The following SORBS2 variants were observed in gnomAD, a reference collection of about 807,000 sequenced individuals.
The protein encoded by SORBS2 is sorbin and SH3 domain-containing protein 2.
A neutral mutation model predicts 97.7 loss-of-function variants in SORBS2; 46 were observed. The ratio of observed to expected loss-of-function variants is 0.47; its 90% CI spans 0.37 to 0.60. The LOEUF is 0.60. Among genes scored for constraint, SORBS2 ranks in the 20% least tolerant of loss-of-function variants. The pLI is 0.00. For synonymous variants in SORBS2, 476 were observed against 473.4 expected, an observed-to-expected ratio of 1.01 and a Z score of -0.07; for missense variants, 1,316 against 1,282.3, an observed-to-expected ratio of 1.03 and a Z score of -0.40.
chr4:185,908,846 A>G (rs1389036714), intron 1 of SORBS2, among the ~76,000 whole-genome samples: 6 of 151,992 alleles, frequency 3.9e-5, no homozygotes, highest in Admixed American at 6.6e-5. Flanking sequence ...CTAAAATATA[A>G]CCCTTGCATA....
chr4:185,689,812 A>G (rs1186954217), intron 2 of SORBS2, among the ~76,000 whole-genome samples: 2 of 152,238 alleles, frequency 1.3e-5, no homozygotes, highest in Admixed American at 1.3e-4. Flanking sequence ...GGCTCAAACA[A>G]CTTTCCAGTG....
At chr4:185,645,521 A>G (rs1026002399) in intron 4 of SORBS2, 1 of 152,200 alleles carries the variant, frequency 6.6e-6, no homozygotes, top group African/African-American at 2.4e-5. Context: ...AAGGTTTTGA[A>G]CATGCTTCTC....
chr4:185,838,344 G>C (rs1330451925), intron 1 of SORBS2, among the ~76,000 whole-genome samples: 1 of 152,232 alleles, frequency 6.6e-6, no homozygotes, highest in Non-Finnish European at 1.5e-5. Flanking sequence ...TAGCTCCCCT[G>C]GGGGCTTGGG....
intron 2 of SORBS2, among the ~76,000 whole-genome samples, chr4:185,753,843 C>T (rs368429441): frequency 1.3e-5 from 2 of 152,162 alleles, no homozygotes; most frequent in African/African-American, 4.8e-5. Context: ...TGCTTATACA[C>T]TGCTGGTGGA....
chr4:185,736,787 C>T (rs2098690499), intron 2 of SORBS2, among the ~76,000 whole-genome samples: 2 of 152,166 alleles, frequency 1.3e-5, no homozygotes, highest in African/African-American at 4.8e-5. Context: ...AGGGGAAAGA[C>T]ATCATCCACA....
At chr4:185,820,731 C>T (rs1478746251) in intron 1 of SORBS2, among the ~76,000 whole-genome samples, 2 of 152,228 alleles carry the variant, frequency 1.3e-5, no homozygotes, top group African/African-American at 4.8e-5. Flanking sequence ...TCCTGGCAGT[C>T]CCGGGACTTC....
rs1491475757 is a variant in SORBS2 at position 185,879,176 on chromosome 4, C to CCTCA, written c.-338+77019_-338+77020insTGAG. Among the ~76,000 whole-genome samples, 55 of 85,270 alleles carry CCTCA rather than the reference C, an allele frequency of 6.5e-4. 4 individuals carry two copies. In the Middle Eastern group the frequency reaches 0.019, roughly 29 times the overall value. 55.9% of individuals were successfully genotyped at this position (85,270 alleles called of 152,430 possible). A position where few individuals can be genotyped will look rare whatever the true frequency, so the allele number is the denominator to read the frequency against. On this transcript the variant is annotated intron_variant, in intron 1 of 20. Transcript: ENST00000284776. ...CCTAATGCTATCCCTCCCCCCCCCC[C>CCTCA]ACCCCACGACAGGCCCCGGTGTGTG...
intron 4 of SORBS2, among the ~76,000 whole-genome samples, chr4:185,665,310 A>G (rs1423594898): frequency 3.3e-5 from 5 of 152,236 alleles, no homozygotes; most frequent in Non-Finnish European, 7.3e-5. Flanking sequence ...GAGAAAAAGG[A>G]TATAGAAAAG....
At chr4:185,670,683 T>G (rs2097699631) in intron 4 of SORBS2, among the ~76,000 whole-genome samples, 1 of 151,674 alleles carries the variant, frequency 6.6e-6, no homozygotes, top group Non-Finnish European at 1.5e-5. Flanking sequence ...TGTGCCCGGC[T>G]GGAAGGGGTT....
chr4:185,704,006 ATTTGTACTTC>A (rs1283879152), intron 2 of SORBS2, among the ~76,000 whole-genome samples: 6 of 152,228 alleles, frequency 3.9e-5, no homozygotes, highest in Non-Finnish European at 8.8e-5. Context: ...CATAAGAATG[ATTTGTACTTC>A]TAACATCAAT....
chr4:185,709,285 G>A (rs147519955), intron 2 of SORBS2, among the ~76,000 whole-genome samples: 8,625 of 108,444 alleles, frequency 0.08, 428 homozygotes, highest in African/African-American at 0.17. Context: ...ATAGGCATGA[G>A]CCGCTGTGCT....
chr4:185,595,256 A>G (rs185755963), intron 12 of SORBS2, among the ~76,000 whole-genome samples: 82 of 152,322 alleles, frequency 5.4e-4, no homozygotes, highest in Admixed American at 2.0e-3. Flanking sequence ...CAGTCTGTGG[A>G]TAGAATATTT....
chr4:185,591,325 T>A (rs911705210), intron 13 of SORBS2, among the ~76,000 whole-genome samples: 1 of 152,172 alleles, frequency 6.6e-6, no homozygotes, highest in South Asian at 2.1e-4. Flanking sequence ...GCCACTTATA[T>A]CCTTTTGAGC....
chr4:185,752,464 T>C (rs866707975), intron 2 of SORBS2, among the ~76,000 whole-genome samples: 3 of 152,082 alleles, frequency 2.0e-5, no homozygotes, highest in African/African-American at 7.2e-5. Flanking sequence ...TTTTAGTAGA[T>C]ATGGGGTTTC....
chr4:185,858,121 T>C (rs1238230247), intron 1 of SORBS2, among the ~76,000 whole-genome samples: 3 of 152,224 alleles, frequency 2.0e-5, no homozygotes, highest in Non-Finnish European at 4.4e-5. Context: ...ATGGCACCCC[T>C]GGAGGCCCAG....
intron 1 of SORBS2, among the ~76,000 whole-genome samples, chr4:185,864,243 A>T (rs1377132361): frequency 6.6e-6 from 1 of 152,236 alleles, no homozygotes; most frequent in Non-Finnish European, 1.5e-5. Flanking sequence ...CATGCCACCA[A>T]CAAAATACCT....
chr4:185,903,579 C>A (rs1266502563), intron 1 of SORBS2, among the ~76,000 whole-genome samples: 1 of 152,176 alleles, frequency 6.6e-6, no homozygotes, highest in Non-Finnish European at 1.5e-5. Flanking sequence ...GCTCTCCCCC[C>A]TGCCACCGCC....
intron 1 of SORBS2, among the ~76,000 whole-genome samples, chr4:185,954,393 G>A (rs1027067685): frequency 4.0e-5 from 6 of 148,836 alleles, no homozygotes; most frequent in African/African-American, 1.5e-4. Flanking sequence ...TATTTTGATA[G>A]TGAATTATAT....
intron 1 of SORBS2, among the ~76,000 whole-genome samples, chr4:185,832,155 A>G (rs1218556734): frequency 6.6e-6 from 1 of 152,182 alleles, no homozygotes; most frequent in African/African-American, 2.4e-5. Context: ...GCCATGATAG[A>G]TGGTTTCCCT....
Sources: gnomAD v4.1 joint callset for allele counts (sites outside exome capture counted in the v4.1 genomes callset) on GRCh38, gnomAD v4.1.1 for gene constraint, MANE v1.5 for transcripts, NCBI Gene and HGNC (gene_info 2026-07-23, HGNC 2026-07-21) for gene names.